The following HDAC9 variants were observed in gnomAD, a reference collection of about 807,000 sequenced individuals.
HDAC9 encodes the protein MEF-2 interacting transcription repressor (MITR) protein.
Under a neutral mutation model 139.4 loss-of-function variants are expected in HDAC9, and 41 were observed. That is an observed-to-expected ratio of 0.29 (90% CI 0.23 to 0.38). The LOEUF (loss-of-function observed/expected upper bound fraction) is 0.38. HDAC9 is among the 10% of genes least tolerant of loss of function. The probability of loss-of-function intolerance (pLI) is 1.00; values close to 1 mark genes in which losing one functional copy is unlikely to be tolerated. For synonymous variants in HDAC9, 517 were observed against 476.2 expected, an observed-to-expected ratio of 1.09 and a Z score of -1.12; for missense variants, 1,147 against 1,297.0, an observed-to-expected ratio of 0.88 and a Z score of 1.78.
chr7:18,140,707 C>G (rs1474903876), intron 1 of HDAC9, among the ~76,000 whole-genome samples: 1 of 151,886 alleles, frequency 6.6e-6, no homozygotes, highest in African/African-American at 2.4e-5. Flanking sequence ...CTTTCATTAT[C>G]AAGGATTTTA....
chr7:18,160,886 A>ATAT (rs1787584385), intron 1 of HDAC9, among the ~76,000 whole-genome samples: 1 of 152,042 alleles, frequency 6.6e-6, no homozygotes, highest in African/African-American at 2.4e-5. Context: ...CCAAAGGGTG[A>ATAT]TATTATTATT....
chr7:18,472,821 G>A (rs182706990), intron 1 of HDAC9, among the ~76,000 whole-genome samples: 12 of 152,192 alleles, frequency 7.9e-5, no homozygotes, highest in Non-Finnish European at 2.9e-5. Context: ...CTTGTTTATC[G>A]CTTTGTTTTC....
At chr7:18,630,548 C>G (rs2128977770) in intron 7 of HDAC9, among the ~76,000 whole-genome samples, 1 of 152,100 alleles carries the variant, frequency 6.6e-6, no homozygotes, top group South Asian at 2.1e-4. Flanking sequence ...TATTTAGTCT[C>G]CTATTCAATC....
intron 1 of HDAC9, among the ~76,000 whole-genome samples, chr7:18,112,593 T>C (rs1241246744): frequency 6.6e-6 from 1 of 152,218 alleles, no homozygotes; most frequent in African/African-American, 2.4e-5. Flanking sequence ...GTTTGGTAAG[T>C]ATTAATGAAA....
chr7:18,876,545 T>G (rs13221164), intron 22 of HDAC9, among the ~76,000 whole-genome samples: 5,033 of 152,254 alleles, frequency 0.033, 174 homozygotes, highest in African/African-American at 0.089. Context: ...TCTTCACATA[T>G]CTTATAGATG....
chr7:18,169,318 C>G (rs762825066), intron 2 of HDAC9, among the ~76,000 whole-genome samples: 1 of 152,026 alleles, frequency 6.6e-6, no homozygotes, highest in Non-Finnish European at 1.5e-5. Context: ...TCTCCTTATC[C>G]ACTGCACCCC....
At chr7:18,663,489 CAT>C (rs1215242506) in intron 11 of HDAC9, among the ~76,000 whole-genome samples, 3 of 151,980 alleles carry the variant, frequency 2.0e-5, no homozygotes, top group Non-Finnish European at 4.4e-5. Flanking sequence ...GGACTTCCGA[CAT>C]AGCATTTCCT....
chr7:18,933,460 ACT>A (rs765313478), intron 22 of HDAC9, among the ~76,000 whole-genome samples: 3 of 152,032 alleles, frequency 2.0e-5, no homozygotes, highest in Non-Finnish European at 2.9e-5. Context: ...ATTCATGAAG[ACT>A]CTACATAATT....
At chr7:18,299,509 T>G (rs1484923490) in intron 1 of HDAC9, among the ~76,000 whole-genome samples, 2 of 152,208 alleles carry the variant, frequency 1.3e-5, no homozygotes, top group Non-Finnish European at 2.9e-5. Flanking sequence ...TAACTCTCTT[T>G]GCATACAAAT....
At chr7:18,535,796 C>T (rs1338845957) in intron 2 of HDAC9, among the ~76,000 whole-genome samples, 2 of 136,376 alleles carry the variant, frequency 1.5e-5, no homozygotes, top group Non-Finnish European at 3.1e-5. Context: ...TTGAAATTTA[C>T]ATTTCAAATA....
At chr7:18,875,061 G>A (rs999074890) in intron 22 of HDAC9, among the ~76,000 whole-genome samples, 5 of 152,166 alleles carry the variant, frequency 3.3e-5, no homozygotes, top group African/African-American at 1.2e-4. Flanking sequence ...GCCTCTGTAT[G>A]TGTCTATGGG....
At chr7:18,433,565 A>G (rs976957033) in intron 1 of HDAC9, among the ~76,000 whole-genome samples, 1 of 152,202 alleles carries the variant, frequency 6.6e-6, no homozygotes, top group African/African-American at 2.4e-5. Context: ...CAACTTCAGC[A>G]AAGTTTCAGG....
At chr7:18,190,192 A>T (rs961778517) in intron 2 of HDAC9, among the ~76,000 whole-genome samples, 1 of 151,986 alleles carries the variant, frequency 6.6e-6, no homozygotes, top group Non-Finnish European at 1.5e-5. Context: ...TGTCCCACCA[A>T]TCTTACCCTC....
intron 2 of HDAC9, among the ~76,000 whole-genome samples, chr7:18,189,609 G>A (rs1190887477): frequency 2.0e-5 from 3 of 152,156 alleles, no homozygotes; most frequent in African/African-American, 2.4e-5. Context: ...TAAGACTGGT[G>A]TTCCTCCCAA....
intron 2 of HDAC9, among the ~76,000 whole-genome samples, chr7:18,174,762 G>T (rs2128136080): frequency 6.6e-6 from 1 of 152,310 alleles, no homozygotes; most frequent in Admixed American, 6.5e-5. Flanking sequence ...GACGCCGTTT[G>T]CCTGGGTATC....
chr7:18,198,107 T>C (rs1790851533), intron 2 of HDAC9, among the ~76,000 whole-genome samples: 2 of 152,136 alleles, frequency 1.3e-5, no homozygotes, highest in Non-Finnish European at 2.9e-5. Flanking sequence ...TTTATATCCC[T>C]TTTTTGAATG....
chr7:18,615,741 G>T (rs1838399064), intron 6 of HDAC9, among the ~76,000 whole-genome samples: 1 of 152,086 alleles, frequency 6.6e-6, no homozygotes, highest in Non-Finnish European at 1.5e-5. Flanking sequence ...AGTAAAATCT[G>T]ATCTAGTCAG....
At position 18,886,362 on chromosome 7, in the gene HDAC9, A is replaced by C. The variant is rs114937966; in HGVS notation, c.2803+11766A>C. ...CTGTACCATAACAGGCCATTTCAAC[A>C]TTGCTTATGAAAAGAAAATATGTAA... On this transcript the variant is annotated intron_variant, in intron 22 of 25. Coordinates refer to ENST00000686413, the MANE Select transcript of HDAC9 (RefSeq NM_178425.4). Among the ~76,000 whole-genome samples, 399 of 152,356 alleles carry C rather than the reference A, an allele frequency of 2.6e-3. 1 individual carries two copies. The highest frequency in any genetic ancestry group is 9.0e-3 in the African/African-American group (376 of 41,582).
intron 1 of HDAC9, among the ~76,000 whole-genome samples, chr7:18,123,180 T>C (rs1483054097): frequency 6.6e-6 from 1 of 152,190 alleles, no homozygotes; most frequent in African/African-American, 2.4e-5. Context: ...TAATTTTGCA[T>C]TGCAAGTTGG....
Sources: allele counts gnomAD v4.1 joint callset (sites outside exome capture counted in the v4.1 genomes callset), GRCh38; gene constraint gnomAD v4.1.1; transcripts MANE v1.5; gene names NCBI Gene and HGNC (gene_info 2026-07-23, HGNC 2026-07-21).